SLIT1: variants seen among roughly 807,000 people sequenced by gnomAD.
SLIT1 encodes the protein slit homolog 1 protein.
Under a neutral mutation model 186.1 loss-of-function variants are expected in SLIT1, and 66 were observed. That is an observed-to-expected ratio of 0.35 (90% CI 0.29 to 0.44). SLIT1 has a LOEUF of 0.44. Among genes scored for constraint, SLIT1 ranks in the 20% least tolerant of loss-of-function variants. SLIT1 has a pLI of 1.00. For missense variants in SLIT1, 1,638 were observed against 2,037.4 expected (o/e 0.80, Z 3.77); for synonymous variants, 761 against 833.8 (o/e 0.91, Z 1.50).
intron 24 of SLIT1, 26 bp from the exon 25 acceptor site, chr10:97,030,854 C>A: frequency 1.9e-6 from 3 of 1,604,798 alleles, no homozygotes; most frequent in Non-Finnish European, 2.6e-6. Context: ...GCTGCTGGTG[C>A]CTTATCCAGG....
chr10:97,185,498 T>G lies in SLIT1; in HGVS notation c.177A>C (p.Ile59=). The change falls in exon 1 of 37, where the codon ATA becomes ATC. Residue 59 remains isoleucine (I), a synonymous_variant. Coordinates refer to ENST00000266058, the MANE Select transcript of SLIT1 (RefSeq NM_003061.3). ...CTCACAGGCGCTCGGTGTTCCGAGG[T>G]ATATTCTTGGGAATGGCCTGCAGCC... is the stretch of plus-strand genomic sequence containing the variant. ...GTGLQAIPKN[I]PRNTERLELN... 1 of 1,611,932 alleles carries G rather than the reference T, an allele frequency of 6.2e-7. No individual in the cohort carries two copies. The highest frequency in any genetic ancestry group is 8.5e-7 in the Non-Finnish European group (1 of 1,179,510).
At chr10:97,082,903 T>C (rs943277170) in intron 4 of SLIT1, among the ~76,000 whole-genome samples, 7 of 151,922 alleles carry the variant, frequency 4.6e-5, no homozygotes, top group Admixed American at 1.3e-4. Context: ...AAAAAGAAAG[T>C]CTACTGTTTG....
At chr10:97,099,127 T>G in intron 4 of SLIT1, among the ~76,000 whole-genome samples, 1 of 133,924 alleles carries the variant, frequency 7.5e-6, no homozygotes, top group Non-Finnish European at 1.7e-5. Flanking sequence ...GAGGTTGGAG[T>G]GGAGGCGCGG....
At chr10:97,127,234 C>T (rs1182848170) in intron 4 of SLIT1, among the ~76,000 whole-genome samples, 3 of 151,590 alleles carry the variant, frequency 2.0e-5, no homozygotes, top group African/African-American at 2.4e-5. Flanking sequence ...TGCAGTGAGC[C>T]GAGATCACGC....
chr10:97,157,156 G>A (rs1208874839), intron 4 of SLIT1, among the ~76,000 whole-genome samples: 1 of 152,174 alleles, frequency 6.6e-6, no homozygotes, highest in Non-Finnish European at 1.5e-5. Flanking sequence ...AGCAAAGACT[G>A]TGGGACCATA....
intron 1 of SLIT1, among the ~76,000 whole-genome samples, chr10:97,166,201 T>C (rs937072984): frequency 2.0e-5 from 3 of 152,162 alleles, no homozygotes; most frequent in African/African-American, 7.2e-5. Context: ...ATAAAGTCCC[T>C]GTCCTCCAGG....
At chr10:97,141,798 T>C (rs1420953253) in intron 4 of SLIT1, among the ~76,000 whole-genome samples, 3 of 152,026 alleles carry the variant, frequency 2.0e-5, no homozygotes, top group African/African-American at 2.4e-5. Context: ...TACTGTATTG[T>C]ATTGTATTGT....
chr10:97,182,642 C>T (rs1461929940), intron 1 of SLIT1, among the ~76,000 whole-genome samples: 2 of 152,226 alleles, frequency 1.3e-5, no homozygotes, highest in African/African-American at 4.8e-5. Flanking sequence ...TGGCTTCCAA[C>T]TAGGAAGTTC....
At chr10:97,141,020 A>C (rs969449239) in intron 4 of SLIT1, among the ~76,000 whole-genome samples, 1 of 152,040 alleles carries the variant, frequency 6.6e-6, no homozygotes, top group Non-Finnish European at 1.5e-5. Flanking sequence ...CATCCGAAAC[A>C]CCGCTTGGGT....
chr10:97,065,139 C>CT (rs1315313290), intron 5 of SLIT1, among the ~76,000 whole-genome samples: 10 of 566 alleles, frequency 0.018, 1 homozygote, highest in African/African-American at 0.024. Flanking sequence ...CACCCCCCTA[C>CT]ACACACACAC....
chr10:97,043,073 A>G lies in SLIT1; in HGVS notation c.1998-6T>C, dbSNP rs751121495. 6.8e-6 allele frequency: 11 copies of G among 1,613,304 alleles called. No homozygotes were observed. The South Asian group carries it at 1.2e-4, about 18-fold the overall frequency. On this transcript the variant is annotated splice_region_variant and splice_polypyrimidine_tract_variant and intron_variant, in intron 19 of 36. Coordinates refer to ENST00000266058, the MANE Select transcript of SLIT1 (RefSeq NM_003061.3). This position sits in a 1 kb window ranked among gnomAD's most constrained non-coding sequence, Gnocchi z 7.0. ...AAGGGTTGGCCAGGAGATTCCTGGAAGAGGCAGGCCAGGCGGCCATGGAGA... is the reference window on the plus strand; with the variant it reads ...AAGGGTTGGCCAGGAGATTCCTGGAGGAGGCAGGCCAGGCGGCCATGGAGA...
At position 97,004,974 on chromosome 10, in the gene SLIT1, C is replaced by A; in HGVS notation, c.3580-151G>T. 7 of 874,760 alleles carry A rather than the reference C, an allele frequency of 8.0e-6. No individual in the cohort carries two copies. The highest frequency in any genetic ancestry group is 3.3e-5 in the South Asian group (2 of 59,844). The allele number at this position is 874,760 out of a possible 1,614,324, so 54.2% of individuals were successfully genotyped here. A position where few individuals can be genotyped will look rare whatever the true frequency, so the allele number is the denominator to read the frequency against. On this transcript the variant is annotated intron_variant, in intron 32 of 36. Transcript: ENST00000266058. This position sits in a 1 kb window ranked among gnomAD's most constrained non-coding sequence, Gnocchi z 5.1. ...CCTGGCCAGCCTCCCCAAGGCCATT[C>A]CTCCAGGGGGCACCAATAGGGGCTG...
intron 4 of SLIT1, among the ~76,000 whole-genome samples, chr10:97,086,914 T>C (rs187121081): frequency 2.0e-5 from 3 of 152,108 alleles, no homozygotes; most frequent in Non-Finnish European, 2.9e-5. Flanking sequence ...CTCTAGGTGA[T>C]AATGATGTGT....
Position 97,053,953 on chromosome 10 carries a change from T to G in SLIT1, c.1301+2368A>C, listed in dbSNP as rs192997117. Among the ~76,000 whole-genome samples, 214 of 152,220 alleles carry G rather than the reference T, an allele frequency of 1.4e-3. 1 individual carries two copies. The highest frequency in any genetic ancestry group is 4.6e-3 in the African/African-American group (193 of 41,540). On this transcript the variant is annotated intron_variant, in intron 13 of 36. Coordinates refer to ENST00000266058, the MANE Select transcript of SLIT1 (RefSeq NM_003061.3). ...CTGATGGGAGGTGTTCGGATCGGTG[T>G]TCGGTGTTTGGTCGAATTTGTATCA...
chr10:97,140,740 G>C (rs936771471), intron 4 of SLIT1, among the ~76,000 whole-genome samples: 1 of 152,138 alleles, frequency 6.6e-6, no homozygotes, highest in African/African-American at 2.4e-5. Context: ...GGGGAGAACG[G>C]GCTCCTCGGC....
At chr10:97,072,106 G>T (rs1187658067) in intron 4 of SLIT1, among the ~76,000 whole-genome samples, 4 of 152,148 alleles carry the variant, frequency 2.6e-5, no homozygotes, top group Middle Eastern at 3.2e-3. Context: ...CACAGGCCGG[G>T]GAGAGTGATG....
rs150754287 is a variant in SLIT1 at position 97,179,800 on chromosome 10, T to TCCCCCCCCCCCCC, written c.197+5677_197+5678insGGGGGGGGGGGGG. ...AAAGAGGAGCCAATTCTCCACACCC[T>TCCCCCCCCCCCCC]CCCCGCCCCCCGGCACAGCCCAGCT... On this transcript the variant is annotated intron_variant, in intron 1 of 36. Transcript: ENST00000266058. Among the ~76,000 whole-genome samples the TCCCCCCCCCCCCC allele has an allele frequency of 4.6e-4, 58 of 126,346 alleles. 1 individual carries two copies. The highest frequency in any genetic ancestry group is 7.2e-4 in the Non-Finnish European group (41 of 56,850). 82.9% of individuals were successfully genotyped at this position (126,346 alleles called of 152,430 possible).
intron 4 of SLIT1, among the ~76,000 whole-genome samples, chr10:97,142,978 AT>A (rs1849781150): frequency 6.6e-6 from 1 of 152,230 alleles, no homozygotes; most frequent in African/African-American, 2.4e-5. Flanking sequence ...AAAAGAGAAA[AT>A]AACAAGTGTT....
intron 4 of SLIT1, among the ~76,000 whole-genome samples, chr10:97,131,287 C>T (rs1380021708): frequency 1.3e-5 from 2 of 152,260 alleles, no homozygotes; most frequent in Non-Finnish European, 2.9e-5. Context: ...TCTCACCACA[C>T]ACACTGTCAT....
Sources: gnomAD v4.1 joint callset for allele counts (sites outside exome capture counted in the v4.1 genomes callset) on GRCh38, gnomAD v4.1.1 for gene constraint, Gnocchi (gnomAD v3.1) non-coding constraint, MANE v1.5 for transcripts, NCBI Gene and HGNC (gene_info 2026-07-23, HGNC 2026-07-21) for gene names.